Variants in BCL11B observed in about 807,000 individuals in gnomAD.
BCL11B encodes the protein BCL11 transcription factor B, also known as B-cell lymphoma/leukemia 11B.
In BCL11B, 8 loss-of-function variants were observed where a neutral mutation model predicts 49.9. The observed-to-expected ratio is 0.16, with a 90% CI of 0.09 to 0.29. BCL11B has a LOEUF of 0.29. BCL11B is among the 10% of genes least tolerant of loss of function. BCL11B has a pLI of 1.00. For missense variants in BCL11B, 1,006 were observed against 1,351.0 expected, an observed-to-expected ratio of 0.74 and a Z score of 4.00; for synonymous variants, 739 against 637.4, an observed-to-expected ratio of 1.16 and a Z score of -2.40.
At chr14:99,246,800 AC>A (rs1888856570) in intron 2 of BCL11B, among the ~76,000 whole-genome samples, 1 of 151,916 alleles carries the variant, frequency 6.6e-6, no homozygotes, top group Admixed American at 6.6e-5. Context: ...CGGGATAGGC[AC>A]CGTCGCGGGG....
intron 3 of BCL11B, among the ~76,000 whole-genome samples, chr14:99,191,744 GACTTCCCTCCAGAGCTGGGCTTGGCC>G (rs949276758): frequency 8.5e-5 from 13 of 152,092 alleles, no homozygotes; most frequent in African/African-American, 2.9e-4. Flanking sequence ...TGCTCCGAGT[GACTTCCCTCCAGAGCTGGGCTTGGCC>G]ACTAAGGCAG....
intron 3 of BCL11B, among the ~76,000 whole-genome samples, chr14:99,179,884 TG>T (rs1886651111): frequency 6.6e-6 from 1 of 152,224 alleles, no homozygotes; most frequent in Non-Finnish European, 1.5e-5. Flanking sequence ...GCATGAGGCT[TG>T]CTCACTTTCA....
At chr14:99,186,805 A>G (rs1271265711) in intron 3 of BCL11B, among the ~76,000 whole-genome samples, 1 of 152,182 alleles carries the variant, frequency 6.6e-6, no homozygotes, top group Non-Finnish European at 1.5e-5. Flanking sequence ...ATTAAGGAAA[A>G]TCTCAATATA....
Position 99,169,795 on chromosome 14 carries a change from A to T in BCL11B, c.*4356T>A, listed in dbSNP as rs565748582. 4.9e-5 allele frequency: 11 copies of T among 226,114 alleles called. No homozygotes were observed. The South Asian group carries it at 1.6e-3, about 34-fold the overall frequency. 14.0% of individuals were successfully genotyped at this position (226,114 alleles called of 1,614,324 possible). ...GACGGTTACTTAGGACCGGGATGAAAGGCTGATTTCCTTACTTTTCACATT... is the reference window on the plus strand; with the variant it reads ...GACGGTTACTTAGGACCGGGATGAATGGCTGATTTCCTTACTTTTCACATT... On this transcript the variant is annotated 3_prime_UTR_variant, in exon 4 of 4. Transcript: ENST00000357195.
intron 3 of BCL11B, among the ~76,000 whole-genome samples, chr14:99,177,876 T>G (rs1886586187): frequency 6.6e-6 from 1 of 152,132 alleles, no homozygotes; most frequent in Admixed American, 6.5e-5. Context: ...GGCTGCACTC[T>G]TAGCAGTGTT....
intron 3 of BCL11B, among the ~76,000 whole-genome samples, chr14:99,224,542 G>T (rs1236411407): frequency 6.6e-6 from 1 of 152,144 alleles, no homozygotes; most frequent in Non-Finnish European, 1.5e-5. Context: ...CGTCACTGGG[G>T]TGCCGATTAC....
Position 99,194,788 on chromosome 14 carries a change from C to T in BCL11B, c.641-18593G>A, listed in dbSNP as rs1032157066. 3.9e-5 allele frequency among the ~76,000 whole-genome samples: 6 copies of T among 152,232 alleles called. No individual in the cohort carries two copies. Among genetic ancestry groups the T allele is most frequent in the East Asian group, 3.9e-4 (2 of 5,180 alleles). ...TCTCAACCGTGGAGCAGACGGCCTT[C>T]GATAATAGCAACCCCCGAGGATGCA... On this transcript the variant is annotated intron_variant, in intron 3 of 3. Transcript: ENST00000357195. The surrounding 1 kb of genome is among the most constrained non-coding windows in gnomAD (Gnocchi z 4.6).
chr14:99,208,264 C>T (rs1441232130), intron 3 of BCL11B, among the ~76,000 whole-genome samples: 1 of 152,116 alleles, frequency 6.6e-6, no homozygotes. Flanking sequence ...GCCTGGCATC[C>T]CTTCCCCCAC....
chr14:99,236,772 A>G (rs1888512605), intron 2 of BCL11B, among the ~76,000 whole-genome samples: 1 of 152,146 alleles, frequency 6.6e-6, no homozygotes, highest in African/African-American at 2.4e-5. Flanking sequence ...CCGTGAGGAA[A>G]AGCGCCCTCC....
intron 3 of BCL11B, among the ~76,000 whole-genome samples, chr14:99,187,733 T>C (rs1472745441): frequency 1.3e-5 from 2 of 148,190 alleles, no homozygotes; most frequent in Non-Finnish European, 3.0e-5. Flanking sequence ...TGTTTCTCAC[T>C]CACACGTGGG....
rs759599743 is a variant in BCL11B at position 99,199,683 on chromosome 14, T to TGTGTGTGCGC, written c.641-23489_641-23488insGCGCACACAC. ...GTGTGTGTGTGTGTGTGTGTGTGTG[T>TGTGTGTGCGC]GCGCGCGCGCGCGCACGTGCACGTG... is the stretch of plus-strand genomic sequence containing the variant. On this transcript the variant is annotated intron_variant, in intron 3 of 3. Coordinates refer to ENST00000357195, the MANE Select transcript of BCL11B (RefSeq NM_138576.4). Among the ~76,000 whole-genome samples the TGTGTGTGCGC allele has an allele frequency of 1.0e-3, 77 of 73,728 alleles. 1 individual carries two copies. The highest frequency in any genetic ancestry group is 3.1e-3 in the South Asian group (9 of 2,878). The allele number at this position is 73,728 out of a possible 152,430, so 48.4% of individuals were successfully genotyped here. A position where few individuals can be genotyped will look rare whatever the true frequency, so the allele number is the denominator to read the frequency against.
chr14:99,196,923 G>A lies in BCL11B; in HGVS notation c.641-20728C>T, dbSNP rs191099159. Among the ~76,000 whole-genome samples, 7 of 152,342 alleles carry A rather than the reference G, an allele frequency of 4.6e-5. No individual in the cohort carries two copies. The East Asian group carries it at 1.3e-3, about 29-fold the overall frequency. ...TCACCAGTTGAGATTATCACATGGTGATGTTGAGGCTCAGGGCTGGAAGGA... is the reference window on the plus strand; with the variant it reads ...TCACCAGTTGAGATTATCACATGGTAATGTTGAGGCTCAGGGCTGGAAGGA... On this transcript the variant is annotated intron_variant, in intron 3 of 3. Transcript: ENST00000357195.
chr14:99,180,787 T>C (rs1266666111), intron 3 of BCL11B, among the ~76,000 whole-genome samples: 3 of 152,146 alleles, frequency 2.0e-5, no homozygotes, highest in South Asian at 2.1e-4. Context: ...ACTCCAGCAA[T>C]AATGAAACCC....
chr14:99,218,127 G>A (rs764700183), intron 3 of BCL11B, among the ~76,000 whole-genome samples: 8 of 144,192 alleles, frequency 5.5e-5, no homozygotes, highest in East Asian at 2.0e-4. Flanking sequence ...GTGCAGTGGC[G>A]CGATCTCAGC....
At chr14:99,253,209 T>G (rs1358287005) in intron 2 of BCL11B, among the ~76,000 whole-genome samples, 1 of 152,232 alleles carries the variant, frequency 6.6e-6, no homozygotes, top group Non-Finnish European at 1.5e-5. Flanking sequence ...TGCCAAAGCC[T>G]GTGCTCCCTC....
At position 99,195,854 on chromosome 14, in the gene BCL11B, G is replaced by A. The variant is rs1887164611; in HGVS notation, c.641-19659C>T. On this transcript the variant is annotated intron_variant, in intron 3 of 3. Transcript: ENST00000357195. This position sits in a 1 kb window ranked among gnomAD's most constrained non-coding sequence, Gnocchi z 4.7. ...TAGACTGAGCTGACACAGCCCTCCT[G>A]CCTGCTGCCCAGAAGAGCCCTTAAA... Among the ~76,000 whole-genome samples, 1 of 152,076 alleles carries A rather than the reference G, an allele frequency of 6.6e-6. No individual in the cohort carries two copies. Among genetic ancestry groups the A allele is most frequent in the African/African-American group, 2.4e-5 (1 of 41,400 alleles).
chr14:99,209,295 A>G (rs932860221), intron 3 of BCL11B, among the ~76,000 whole-genome samples: 2 of 151,932 alleles, frequency 1.3e-5, no homozygotes, highest in Non-Finnish European at 2.9e-5. Context: ...TCATAATCCT[A>G]CTGGACCCCA....
intron 2 of BCL11B, among the ~76,000 whole-genome samples, chr14:99,237,759 AGTTC>A (rs1447035883): frequency 6.6e-6 from 1 of 152,216 alleles, no homozygotes; most frequent in Admixed American, 6.5e-5. Context: ...ACATAAAAAC[AGTTC>A]GAATCTACGT....
intron 3 of BCL11B, 127 bp from the exon 4 acceptor site, chr14:99,176,322 CAG>C (rs1250339881): frequency 6.0e-6 from 5 of 839,520 alleles, no homozygotes; most frequent in Non-Finnish European, 8.8e-6. Context: ...CCCTGCCTGA[CAG>C]GGGCTGCAGG....
Sources: gnomAD v4.1 joint callset for allele counts (sites outside exome capture counted in the v4.1 genomes callset) on GRCh38, gnomAD v4.1.1 for gene constraint, Gnocchi (gnomAD v3.1) non-coding constraint, MANE v1.5 for transcripts, NCBI Gene and HGNC (gene_info 2026-07-23, HGNC 2026-07-21) for gene names.